Variants in LCP1 observed in about 807,000 individuals in gnomAD.
LCP1 encodes the protein lymphocyte cytosolic protein 1.
LCP1 carries 23 observed loss-of-function variants against 72.0 expected under a neutral mutation model. The ratio of observed to expected loss-of-function variants is 0.32; its 90% CI spans 0.23 to 0.45. LCP1 has a LOEUF of 0.45. Ranked by LOEUF, LCP1 falls within the 20% of genes least tolerant of loss-of-function variation. The probability of loss-of-function intolerance (pLI) is 1.00; values close to 1 mark genes in which losing one functional copy is unlikely to be tolerated. For synonymous variants in LCP1, 245 were observed against 275.4 expected (o/e 0.89, Z 1.09); for missense variants, 571 against 748.3 (o/e 0.76, Z 2.76).
intron 1 of LCP1, among the ~76,000 whole-genome samples, chr13:46,171,815 G>A (rs1438661508): frequency 2.0e-5 from 3 of 152,280 alleles, no homozygotes; most frequent in South Asian, 2.1e-4. Context: ...TTTCAATGGT[G>A]TGCGTCCAAT....
At position 46,140,965 on chromosome 13, in the gene LCP1, C is replaced by T. The variant is rs183247207; in HGVS notation, c.1502+1327G>A. ...CGGTGAGCTTAGGGACAACTTTGAA[C>T]GATCAAATATACATGGACTTGGAAT... On this transcript the variant is annotated intron_variant, in intron 13 of 15. Transcript: ENST00000323076. Among the ~76,000 whole-genome samples, 11 of 152,246 alleles carry T rather than the reference C, an allele frequency of 7.2e-5. No homozygotes were observed. The East Asian group carries it at 9.6e-4, about 13-fold the overall frequency.
At chr13:46,153,202 A>G (rs2045779995) in intron 6 of LCP1, 1 of 301,232 alleles carries the variant, frequency 3.3e-6, no homozygotes, top group African/African-American at 2.2e-5. Context: ...TCTGGTTGGC[A>G]TGAGACTGAT....
intron 7 of LCP1, among the ~76,000 whole-genome samples, chr13:46,152,429 G>A (rs1463828505): frequency 1.3e-5 from 2 of 152,108 alleles, no homozygotes; most frequent in African/African-American, 4.8e-5. Flanking sequence ...ATATGAATGT[G>A]AGTTGCTTAC....
chr13:46,137,309 G>A (rs1057326504), intron 13 of LCP1, among the ~76,000 whole-genome samples: 1 of 152,062 alleles, frequency 6.6e-6, no homozygotes. Flanking sequence ...AGGCCGAGGC[G>A]GGCGGATCAC....
intron 1 of LCP1, among the ~76,000 whole-genome samples, chr13:46,180,984 G>A (rs2045953129): frequency 6.6e-6 from 1 of 152,128 alleles, no homozygotes; most frequent in Non-Finnish European, 1.5e-5. Context: ...CACATTTATA[G>A]GTAAATGATT....
chr13:46,158,573 T>A lies in LCP1; in HGVS notation c.307A>T (p.Ile103Phe). 6.2e-7 allele frequency: 1 copy of A among 1,614,206 alleles called. No homozygotes were observed. The highest frequency in any genetic ancestry group is 8.5e-7 in the Non-Finnish European group (1 of 1,180,034). Reference protein sequence around the residue: ...AINKKEGICAIGGTSEQSSVG... With the variant: ...AINKKEGICAFGGTSEQSSVG... Reference sequence around the variant, plus strand: ...CTAGACTGCTCTGAAGTACCACCGATTGCACAAATCCCTTCCTTCTTATTG... The same window carrying A: ...CTAGACTGCTCTGAAGTACCACCGAATGCACAAATCCCTTCCTTCTTATTG... Residue 103 changes from isoleucine (I) to phenylalanine (F), a missense_variant, in exon 4 of 16, where the codon ATC becomes TTC. Ile to Phe is a conservative substitution (Grantham distance 21). Transcript: ENST00000323076.
intron 1 of LCP1, among the ~76,000 whole-genome samples, chr13:46,160,674 G>T (rs2045832414): frequency 6.6e-6 from 1 of 152,136 alleles, no homozygotes; most frequent in African/African-American, 2.4e-5. Flanking sequence ...CTGCCCTCTA[G>T]TGGGTGAGAA....
At position 46,160,754 on chromosome 13, in the gene LCP1, G is replaced by A. The variant is rs76296783; in HGVS notation, c.-24-1068C>T. ...AATCCACACCAGCATGTTTCAAATC[G>A]GAGACCCACTGAAGTTTGTTGAACT... On this transcript the variant is annotated intron_variant, in intron 1 of 15. Coordinates refer to ENST00000323076, the MANE Select transcript of LCP1 (RefSeq NM_002298.5). Among the ~76,000 whole-genome samples, 808 of 152,216 alleles carry A rather than the reference G, an allele frequency of 5.3e-3. 4 individuals are homozygous for A. The highest frequency in any genetic ancestry group is 0.019 in the African/African-American group (779 of 41,540).
At chr13:46,152,089 C>G (rs991713286) in intron 7 of LCP1, among the ~76,000 whole-genome samples, 31 of 152,294 alleles carry the variant, frequency 2.0e-4, no homozygotes, top group African/African-American at 5.5e-4. Flanking sequence ...TCTTGGTAGA[C>G]ACATACACAG....
intron 12 of LCP1, 65 bp from the exon 13 acceptor site, chr13:46,142,490 T>C: frequency 6.7e-7 from 1 of 1,500,688 alleles, no homozygotes; most frequent in Non-Finnish European, 9.1e-7. Flanking sequence ...ACCAGATAAA[T>C]AATAAAAATA....
chr13:46,167,343 T>A (rs1350927963), intron 1 of LCP1, among the ~76,000 whole-genome samples: 3 of 152,196 alleles, frequency 2.0e-5, no homozygotes, highest in Admixed American at 6.5e-5. Flanking sequence ...AGAGCCTGGC[T>A]CTGTCGCCAG....
At chr13:46,163,507 G>C (rs531003207) in intron 1 of LCP1, among the ~76,000 whole-genome samples, 2 of 150,582 alleles carry the variant, frequency 1.3e-5, no homozygotes, top group African/African-American at 4.9e-5. Context: ...GCGGAAGGCC[G>C]CAGGGTCCTC....
Position 46,163,884 on chromosome 13 carries a change from T to A in LCP1, c.-24-4198A>T, listed in dbSNP as rs575246524. Among the ~76,000 whole-genome samples, 19 of 152,364 alleles carry A rather than the reference T, an allele frequency of 1.2e-4. No homozygotes were observed. In the South Asian group the frequency reaches 3.9e-3, roughly 32 times the overall value. On this transcript the variant is annotated intron_variant, in intron 1 of 15. Coordinates refer to ENST00000323076, the MANE Select transcript of LCP1 (RefSeq NM_002298.5). ...CTATACCCTCTACCATATCCACATA[T>A]GCATGAATAGAAGGCTCTCCAGCTC...
At chr13:46,139,544 C>G (rs1303058359) in intron 13 of LCP1, among the ~76,000 whole-genome samples, 2 of 152,162 alleles carry the variant, frequency 1.3e-5, no homozygotes, top group Non-Finnish European at 2.9e-5. Context: ...TCTGGGGCTT[C>G]CTTCCAGGTA....
intron 11 of LCP1, among the ~76,000 whole-genome samples, chr13:46,143,742 G>T (rs1160085606): frequency 1.3e-5 from 2 of 152,318 alleles, no homozygotes; most frequent in South Asian, 4.1e-4. Flanking sequence ...GTACCTAAAG[G>T]TTTACAATTT....
rs1332573541 is a variant in LCP1, at chr13:46,148,396, C to T, written c.934G>A (p.Glu312Lys). The change falls in exon 9 of 16, where the codon GAA (glutamate) becomes AAA (lysine). Residue 312 changes from glutamate to lysine, a missense_variant. By Grantham distance (56) the Glu-to-Lys change is moderately conservative (BLOSUM62 1). Transcript: ENST00000323076. ...ATAACAACAGCAGGAACACCTTCTTCATCTCCTTTTGGAGCCACCTGCTCA... is the reference window on the plus strand; with the variant it reads ...ATAACAACAGCAGGAACACCTTCTTTATCTCCTTTTGGAGCCACCTGCTCA... Reference protein sequence around the residue: ...LLEQVAPKGDEEGVPAVVIDM... With the variant: ...LLEQVAPKGDKEGVPAVVIDM... 1.2e-6 allele frequency: 2 copies of T among 1,613,474 alleles called. No homozygotes were observed.
intron 1 of LCP1, among the ~76,000 whole-genome samples, chr13:46,168,892 C>A (rs1007149400): frequency 6.6e-6 from 1 of 152,162 alleles, no homozygotes; most frequent in Admixed American, 6.5e-5. Flanking sequence ...ATTCTTGTAA[C>A]CTGCTTTTTT....
intron 1 of LCP1, among the ~76,000 whole-genome samples, chr13:46,164,393 G>A (rs1299919737): frequency 1.3e-5 from 2 of 152,166 alleles, no homozygotes; most frequent in East Asian, 1.9e-4. Flanking sequence ...GACATAGAAA[G>A]TACATGTATT....
At chr13:46,133,713 T>C (rs2045646931) in intron 14 of LCP1, among the ~76,000 whole-genome samples, 2 of 151,484 alleles carry the variant, frequency 1.3e-5, no homozygotes, top group South Asian at 2.1e-4. Flanking sequence ...AAATTAAAAA[T>C]AGACAGTAGA....
Sources: gnomAD v4.1 joint callset for allele counts (sites outside exome capture counted in the v4.1 genomes callset) on GRCh38, gnomAD v4.1.1 for gene constraint, MANE v1.5 for transcripts, NCBI Gene and HGNC (gene_info 2026-07-23, HGNC 2026-07-21) for gene names.